Variants in SPTLC3 observed in about 807,000 individuals in gnomAD.
SPTLC3 encodes serine palmitoyltransferase long chain base subunit 3.
In SPTLC3, 36 loss-of-function variants were observed where a neutral mutation model predicts 59.3. The ratio of observed to expected loss-of-function variants is 0.61; its 90% CI spans 0.47 to 0.80. The LOEUF is 0.80. Ranked by LOEUF, SPTLC3 falls within the 30% of genes least tolerant of loss-of-function variation. The pLI, the probability that SPTLC3 is intolerant of heterozygous loss-of-function variation, is 0.00. For synonymous variants in SPTLC3, 257 were observed against 240.8 expected (o/e 1.07, Z -0.62); for missense variants, 625 against 685.1 (o/e 0.91, Z 0.98).
At chr20:13,147,165 T>C (rs944252863) in intron 9 of SPTLC3, among the ~76,000 whole-genome samples, 1 of 152,154 alleles carries the variant, frequency 6.6e-6, no homozygotes, top group Non-Finnish European at 1.5e-5. Context: ...GGGGCAAGAC[T>C]GAGCAGCCTG....
At chr20:13,107,972 G>A (rs1408839438) in intron 6 of SPTLC3, among the ~76,000 whole-genome samples, 1 of 151,896 alleles carries the variant, frequency 6.6e-6, no homozygotes, top group Non-Finnish European at 1.5e-5. Context: ...GATGTTAAAG[G>A]AAGTCAAATA....
At chr20:13,074,824 G>T (rs1988584221) in intron 4 of SPTLC3, among the ~76,000 whole-genome samples, 1 of 152,102 alleles carries the variant, frequency 6.6e-6, no homozygotes, top group Non-Finnish European at 1.5e-5. Flanking sequence ...CAGTTAAAAT[G>T]ATCTTGCATT....
At chr20:13,106,395 A>T (rs1200607012) in intron 6 of SPTLC3, among the ~76,000 whole-genome samples, 1 of 152,176 alleles carries the variant, frequency 6.6e-6, no homozygotes, top group Non-Finnish European at 1.5e-5. Flanking sequence ...CTTAAAAAAT[A>T]ATAGACAAGT....
intron 2 of SPTLC3, among the ~76,000 whole-genome samples, chr20:13,056,385 C>G (rs560659539): frequency 5.3e-5 from 8 of 151,898 alleles, no homozygotes; most frequent in African/African-American, 1.9e-4. Context: ...TTCTAATTAA[C>G]TGCAGTCACT....
chr20:13,091,065 A>G lies in SPTLC3; in HGVS notation c.608-18A>G, dbSNP rs1336310618. Reference sequence around the variant, plus strand: ...GTTGAAAAGAGAAGGCTCACTTCTCATGTAATTTTATGTGCAGGCACCTTG... The same window carrying G: ...GTTGAAAAGAGAAGGCTCACTTCTCGTGTAATTTTATGTGCAGGCACCTTG... On this transcript the variant is annotated intron_variant, in intron 4 of 11. Transcript: ENST00000399002. 3.7e-6 allele frequency: 6 copies of G among 1,612,472 alleles called. No individual in the cohort carries two copies. The highest frequency in any genetic ancestry group is 5.1e-6 in the Non-Finnish European group (6 of 1,179,126).
intron 9 of SPTLC3, among the ~76,000 whole-genome samples, chr20:13,129,446 G>T (rs2038071109): frequency 6.6e-6 from 1 of 152,188 alleles, no homozygotes; most frequent in Non-Finnish European, 1.5e-5. Flanking sequence ...AACTTCAAGT[G>T]TTTCTTAATG....
At chr20:13,083,109 T>C (rs1399584452) in intron 4 of SPTLC3, among the ~76,000 whole-genome samples, 2 of 152,238 alleles carry the variant, frequency 1.3e-5, no homozygotes, top group African/African-American at 4.8e-5. Flanking sequence ...TTTCTTCTCA[T>C]AGACAGGACA....
chr20:13,041,767 T>C (rs1370805170), intron 1 of SPTLC3, among the ~76,000 whole-genome samples: 1 of 150,638 alleles, frequency 6.6e-6, no homozygotes, highest in East Asian at 2.0e-4. Context: ...CTTTGTTGTG[T>C]TTGCTTATTT....
At chr20:13,153,036 G>A (rs758144737) in intron 9 of SPTLC3, among the ~76,000 whole-genome samples, 19 of 152,168 alleles carry the variant, frequency 1.2e-4, no homozygotes, top group Non-Finnish European at 2.4e-4. Context: ...CCAATAAGAC[G>A]AAAGACTGTA....
chr20:13,139,064 T>C (rs2038319561), intron 9 of SPTLC3, among the ~76,000 whole-genome samples: 1 of 152,184 alleles, frequency 6.6e-6, no homozygotes, highest in Admixed American at 6.5e-5. Context: ...GGTAGCGTGA[T>C]TCTTAAGCAT....
At chr20:13,077,003 G>T (rs1271249816) in intron 4 of SPTLC3, among the ~76,000 whole-genome samples, 1 of 152,126 alleles carries the variant, frequency 6.6e-6, no homozygotes, top group Non-Finnish European at 1.5e-5. Context: ...TTTAAGATGT[G>T]AAATTATGTA....
intron 7 of SPTLC3, among the ~76,000 whole-genome samples, chr20:13,112,399 A>G (rs1009454093): frequency 3.9e-5 from 6 of 152,200 alleles, no homozygotes; most frequent in African/African-American, 1.4e-4. Flanking sequence ...CTTCCAACAG[A>G]GCAAAAGCAA....
chr20:13,016,220 G>A (rs1428793001), intron 1 of SPTLC3, among the ~76,000 whole-genome samples: 1 of 152,088 alleles, frequency 6.6e-6, no homozygotes, highest in Non-Finnish European at 1.5e-5. Context: ...AAAGGAATAT[G>A]CTAGAATCAG....
At chr20:13,071,518 C>T (rs1988434616) in intron 2 of SPTLC3, among the ~76,000 whole-genome samples, 1 of 152,014 alleles carries the variant, frequency 6.6e-6, no homozygotes, top group Admixed American at 6.5e-5. Flanking sequence ...ATTTTATTTT[C>T]ACATTGAAAA....
intron 7 of SPTLC3, among the ~76,000 whole-genome samples, chr20:13,111,844 T>C (rs1990250193): frequency 6.6e-6 from 1 of 152,200 alleles, no homozygotes; most frequent in Non-Finnish European, 1.5e-5. Context: ...ATTTTGATCA[T>C]GGCTGAAATT....
chr20:13,112,808 A>G (rs1990311153), intron 7 of SPTLC3, among the ~76,000 whole-genome samples: 1 of 152,216 alleles, frequency 6.6e-6, no homozygotes, highest in Non-Finnish European at 1.5e-5. Context: ...AAATAAAGAT[A>G]GCCTAGAGTT....
intron 9 of SPTLC3, among the ~76,000 whole-genome samples, chr20:13,148,393 G>T (rs979615562): frequency 6.6e-6 from 1 of 152,140 alleles, no homozygotes; most frequent in Non-Finnish European, 1.5e-5. Context: ...GCCAAGATAG[G>T]TACACCCTTG....
intron 8 of SPTLC3, among the ~76,000 whole-genome samples, chr20:13,126,129 G>A (rs570867998): frequency 1.7e-4 from 26 of 152,162 alleles, no homozygotes; most frequent in Middle Eastern, 3.4e-3. Flanking sequence ...TCTTTCCTCT[G>A]CATCTTGCAG....
intron 6 of SPTLC3, among the ~76,000 whole-genome samples, chr20:13,098,057 C>G (rs188507575): frequency 1.3e-5 from 2 of 152,246 alleles, no homozygotes; most frequent in Non-Finnish European, 2.9e-5. Context: ...ACTAAGAACA[C>G]TTTTACATAT....
Sources: gnomAD v4.1 joint callset for allele counts (sites outside exome capture counted in the v4.1 genomes callset) on GRCh38, gnomAD v4.1.1 for gene constraint, MANE v1.5 for transcripts, NCBI Gene and HGNC (gene_info 2026-07-23, HGNC 2026-07-21) for gene names.